Variants in RFX8 observed in about 807,000 individuals in gnomAD.
RFX8 encodes the protein regulatory factor X8.
In RFX8, 46 loss-of-function variants were observed where a neutral mutation model predicts 54.6. That is an observed-to-expected ratio of 0.84 (90% CI 0.67 to 1.08). The LOEUF is 1.08. Among genes scored for constraint, RFX8 ranks in the 50% least tolerant of loss-of-function variants. The pLI, the probability that RFX8 is intolerant of heterozygous loss-of-function variation, is 0.00. For synonymous variants in RFX8, 192 were observed against 209.5 expected (o/e 0.92, Z 0.72); for missense variants, 536 against 562.3 (o/e 0.95, Z 0.47).
chr2:101,424,714 T>C (rs2104592835), intron 2 of RFX8, among the ~76,000 whole-genome samples: 1 of 152,312 alleles, frequency 6.6e-6, no homozygotes, highest in Middle Eastern at 3.4e-3. Flanking sequence ...ATGTCCTTTA[T>C]AGTGACATGG....
At chr2:101,436,655 A>G (rs938302) in intron 2 of RFX8, among the ~76,000 whole-genome samples, 115,115 of 152,106 alleles carry the variant, frequency 0.76, 44,529 homozygotes, top group Middle Eastern at 0.88. Flanking sequence ...CATACTCATC[A>G]TAGGTTTGCT....
rs543890721 is a variant in RFX8, at chr2:101,399,637, G to T, written c.1246-1913C>A. Among the ~76,000 whole-genome samples, 67 of 152,280 alleles carry T rather than the reference G, an allele frequency of 4.4e-4. 1 individual carries two copies. In the South Asian group the frequency reaches 0.013, roughly 31 times the overall value. On this transcript the variant is annotated intron_variant, in intron 11 of 11. Transcript: ENST00000428343. ...GGAGAAATAATAACGATGACCAGTG[G>T]TTATTGGGTACTTACTACATTCTAG...
intron 2 of RFX8, among the ~76,000 whole-genome samples, chr2:101,450,253 C>A (rs1688603907): frequency 6.6e-6 from 1 of 152,142 alleles, no homozygotes; most frequent in South Asian, 2.1e-4. Flanking sequence ...CAGGGTCTCA[C>A]TCTGTCACCC....
chr2:101,410,420 T>TACAC (rs2104543384), intron 9 of RFX8, among the ~76,000 whole-genome samples, 199 bp downstream of exon 9: 1 of 94,996 alleles, frequency 1.1e-5, no homozygotes, highest in East Asian at 3.3e-4. Flanking sequence ...CACACACACT[T>TACAC]ATGTGATGTG....
At chr2:101,407,531 A>G (rs1685807820) in intron 9 of RFX8, among the ~76,000 whole-genome samples, 1 of 152,130 alleles carries the variant, frequency 6.6e-6, no homozygotes, top group South Asian at 2.1e-4. Context: ...GTCTTTACTA[A>G]AAATACAAAA....
At chr2:101,428,062 G>GGC (rs377536624) in intron 2 of RFX8, among the ~76,000 whole-genome samples, 1,802 of 17,368 alleles carry the variant, frequency 0.1, 39 homozygotes, top group Middle Eastern at 0.25. Flanking sequence ...GGGAGGCCAA[G>GGC]GGGGGCAGAT....
At chr2:101,403,190 G>A (rs1474329283) in intron 10 of RFX8, among the ~76,000 whole-genome samples, 2 of 152,162 alleles carry the variant, frequency 1.3e-5, no homozygotes, top group Non-Finnish European at 2.9e-5. Context: ...TTGAAACGTA[G>A]CGCCTTGCCC....
intron 2 of RFX8, chr2:101,452,523 T>C (rs1688740260): frequency 1.8e-6 from 1 of 550,872 alleles, no homozygotes; most frequent in African/African-American, 2.0e-5. Flanking sequence ...CTTACAATAT[T>C]TAAATGATAT....
chr2:101,463,980 T>C (rs1234023600), intron 2 of RFX8, among the ~76,000 whole-genome samples: 2 of 152,206 alleles, frequency 1.3e-5, no homozygotes, highest in African/African-American at 4.8e-5. Flanking sequence ...ACAACAAGAC[T>C]TGGTGTCATC....
In RFX8 at chr2:101,459,817, G is replaced by C. The variant is rs112496255; in HGVS notation, c.72+6960C>G. Among the ~76,000 whole-genome samples, 853 of 152,350 alleles carry C rather than the reference G, an allele frequency of 5.6e-3. 7 individuals are homozygous for C. Among genetic ancestry groups the C allele is most frequent in the African/African-American group, 0.019 (784 of 41,576 alleles). ...CTGCAGAAGTTGTCTGCTGCCTTTT[G>C]TTCAGCTATGCCCTGCCCACAGAGG... On this transcript the variant is annotated intron_variant, in intron 2 of 11. Transcript: ENST00000428343.
At chr2:101,461,907 T>C (rs563572489) in intron 2 of RFX8, among the ~76,000 whole-genome samples, 2 of 152,208 alleles carry the variant, frequency 1.3e-5, no homozygotes, top group Admixed American at 6.5e-5. Flanking sequence ...TCATTCTAAT[T>C]TTTACCCAGC....
At chr2:101,452,449 A>G in intron 2 of RFX8, 2 of 1,343,128 alleles carry the variant, frequency 1.5e-6, no homozygotes, top group Non-Finnish European at 1.9e-6. Flanking sequence ...CTCACAAGCT[A>G]AAAGAATAAG....
At chr2:101,401,776 G>A (rs1489510022) in intron 11 of RFX8, among the ~76,000 whole-genome samples, 1 of 152,180 alleles carries the variant, frequency 6.6e-6, no homozygotes, top group African/African-American at 2.4e-5. Flanking sequence ...GTCTAGGGTT[G>A]TAGGTGAAGA....
intron 7 of RFX8, among the ~76,000 whole-genome samples, chr2:101,413,822 T>C (rs1476576682): frequency 6.6e-6 from 1 of 152,136 alleles, no homozygotes; most frequent in African/African-American, 2.4e-5. Context: ...AGAACAGGAC[T>C]GGCTGTGACT....
chr2:101,469,151 TATACAC>T (rs1689834787), intron 1 of RFX8, among the ~76,000 whole-genome samples: 1 of 139,386 alleles, frequency 7.2e-6, no homozygotes, highest in South Asian at 2.2e-4. Flanking sequence ...TATATATATA[TATACAC>T]ACACACACAC....
intron 2 of RFX8, among the ~76,000 whole-genome samples, chr2:101,466,029 G>C (rs539458609): frequency 6.6e-6 from 1 of 152,240 alleles, no homozygotes; most frequent in African/African-American, 2.4e-5. Context: ...CAAATGAACA[G>C]AAGTTTCAAA....
chr2:101,416,250 T>A (rs1260721576), intron 6 of RFX8, among the ~76,000 whole-genome samples: 1 of 152,094 alleles, frequency 6.6e-6, no homozygotes, highest in Non-Finnish European at 1.5e-5. Context: ...GCCTACAGAA[T>A]GAAGAGACAG....
intron 2 of RFX8, among the ~76,000 whole-genome samples, chr2:101,465,861 G>A (rs1456273919): frequency 1.3e-5 from 2 of 152,180 alleles, no homozygotes; most frequent in Non-Finnish European, 2.9e-5. Context: ...TTGCACCCTT[G>A]GGGCCACCTT....
At chr2:101,464,038 G>T (rs943383510) in intron 2 of RFX8, among the ~76,000 whole-genome samples, 1 of 152,172 alleles carries the variant, frequency 6.6e-6, no homozygotes, top group African/African-American at 2.4e-5. Flanking sequence ...GCTCACTCAG[G>T]AGCTGAGGAA....
Sources: gnomAD v4.1 joint callset for allele counts (sites outside exome capture counted in the v4.1 genomes callset) on GRCh38, gnomAD v4.1.1 for gene constraint, MANE v1.5 for transcripts, NCBI Gene and HGNC (gene_info 2026-07-23, HGNC 2026-07-21) for gene names.